The following GRIA4 variants were observed in gnomAD, a reference collection of about 807,000 sequenced individuals.
GRIA4 encodes glutamate ionotropic receptor AMPA type subunit 4.
A neutral mutation model predicts 104.0 loss-of-function variants in GRIA4; 34 were observed. The observed-to-expected ratio is 0.33, with a 90% confidence interval of 0.25 to 0.44. The LOEUF (loss-of-function observed/expected upper bound fraction) is 0.44. GRIA4 is among the 20% of genes least tolerant of loss of function. GRIA4 has a pLI of 1.00. For synonymous variants in GRIA4, 386 were observed against 381.9 expected (o/e 1.01, Z -0.13); for missense variants, 750 against 1,096.5 (o/e 0.68, Z 4.46).
At chr11:105,904,738 AT>A (rs1363289097) in intron 8 of GRIA4, among the ~76,000 whole-genome samples, 2 of 152,198 alleles carry the variant, frequency 1.3e-5, no homozygotes, top group African/African-American at 4.8e-5. Flanking sequence ...AATAAAATAT[AT>A]TTCAATATTT....
chr11:105,971,688 G>T (rs895388571), intron 14 of GRIA4, among the ~76,000 whole-genome samples: 2 of 152,074 alleles, frequency 1.3e-5, no homozygotes, highest in Non-Finnish European at 2.9e-5. Context: ...CACAGTAATT[G>T]CATACATTTT....
At chr11:105,918,021 T>A (rs1220426880) in intron 10 of GRIA4, among the ~76,000 whole-genome samples, 1 of 152,084 alleles carries the variant, frequency 6.6e-6, no homozygotes, top group Non-Finnish European at 1.5e-5. Context: ...ATTATCAGCA[T>A]CACTAGGGAA....
chr11:105,828,896 C>T (rs1288111459), intron 4 of GRIA4, among the ~76,000 whole-genome samples: 1 of 151,910 alleles, frequency 6.6e-6, no homozygotes, highest in Non-Finnish European at 1.5e-5. Context: ...ACTTGAAGCA[C>T]TCCAAATATT....
At chr11:105,638,667 C>T (rs1268229463) in intron 3 of GRIA4, among the ~76,000 whole-genome samples, 2 of 151,840 alleles carry the variant, frequency 1.3e-5, no homozygotes, top group African/African-American at 2.4e-5. Flanking sequence ...CACTATTCTC[C>T]ATTTACTCTA....
chr11:105,704,626 T>C (rs1357938026), intron 3 of GRIA4, among the ~76,000 whole-genome samples: 1 of 152,132 alleles, frequency 6.6e-6, no homozygotes, highest in Non-Finnish European at 1.5e-5. Context: ...AGGAATTTCT[T>C]AAGTAGAACT....
intron 3 of GRIA4, among the ~76,000 whole-genome samples, chr11:105,665,318 A>T (rs1822990): frequency 0.98 from 149,821 of 152,112 alleles, 73,824 homozygotes; most frequent in Middle Eastern, 1. Flanking sequence ...CCTTATGAGA[A>T]ATATACTTTT....
chr11:105,652,879 A>G (rs1951722204), intron 3 of GRIA4, among the ~76,000 whole-genome samples: 1 of 152,076 alleles, frequency 6.6e-6, no homozygotes, highest in Admixed American at 6.6e-5. Flanking sequence ...TCTAGATCTT[A>G]GGAACCTCGG....
Position 105,887,125 on chromosome 11 carries a change from G to T in GRIA4, c.673-394G>T, listed in dbSNP as rs183163165. Among the ~76,000 whole-genome samples, 43 of 152,098 alleles carry T rather than the reference G, an allele frequency of 2.8e-4. 1 individual carries two copies. The East Asian group carries it at 8.1e-3, about 29-fold the overall frequency. ...TATTCTTACCCTATTAAGACACCAA[G>T]CAGCCTATCTTCCATTTTTATAAAT... On this transcript the variant is annotated intron_variant, in intron 5 of 16. Coordinates refer to ENST00000282499, the MANE Select transcript of GRIA4 (RefSeq NM_000829.4).
intron 7 of GRIA4, among the ~76,000 whole-genome samples, chr11:105,903,249 T>A (rs536907767): frequency 1.3e-4 from 20 of 152,340 alleles, no homozygotes; most frequent in South Asian, 8.3e-4. Context: ...TACACATTTG[T>A]TGGATAAGTA....
chr11:105,871,696 C>A (rs1447846662), intron 5 of GRIA4, among the ~76,000 whole-genome samples: 1 of 151,412 alleles, frequency 6.6e-6, no homozygotes, highest in African/African-American at 2.4e-5. Flanking sequence ...AAAAAATCTG[C>A]TGAAATAAAA....
At chr11:105,829,094 T>TACACAC (rs146841671) in intron 4 of GRIA4, among the ~76,000 whole-genome samples, 1 of 151,026 alleles carries the variant, frequency 6.6e-6, no homozygotes, top group Admixed American at 6.6e-5. Context: ...CAGTGATGTA[T>TACACAC]ACACACACAC....
At chr11:105,644,754 T>C (rs548187651) in intron 3 of GRIA4, among the ~76,000 whole-genome samples, 3 of 152,344 alleles carry the variant, frequency 2.0e-5, no homozygotes, top group Admixed American at 6.5e-5. Context: ...ATTTTACTTA[T>C]GCTGAGAGTT....
chr11:105,959,110 A>G (rs924555341), intron 14 of GRIA4, among the ~76,000 whole-genome samples: 1 of 151,926 alleles, frequency 6.6e-6, no homozygotes, highest in Non-Finnish European at 1.5e-5. Context: ...TTCTCATGGG[A>G]TATCTTAATA....
chr11:105,888,271 C>CTT (rs71469040), intron 6 of GRIA4, among the ~76,000 whole-genome samples: 16,535 of 53,824 alleles, frequency 0.31, 6,480 homozygotes, highest in South Asian at 0.42. Flanking sequence ...ATGTTTTCTC[C>CTT]TTTTTTTTTT....
rs190858141 is a variant in GRIA4 at position 105,943,886 on chromosome 11, A to C, written c.2294+9917A>C. On this transcript the variant is annotated intron_variant, in intron 14 of 16. Coordinates refer to ENST00000282499, the MANE Select transcript of GRIA4 (RefSeq NM_000829.4). Reference sequence around the variant, plus strand: ...CAGGAAATGCTCTCTCTCTCTATATATATATATAGGAATTTATAATGTTTC... The same window carrying C: ...CAGGAAATGCTCTCTCTCTCTATATCTATATATAGGAATTTATAATGTTTC... Among the ~76,000 whole-genome samples the C allele has an allele frequency of 3.8e-3, 578 of 151,992 alleles. 5 individuals carry two copies. In the Middle Eastern group the frequency reaches 0.065, roughly 17 times the overall value.
At chr11:105,700,517 C>T (rs367546002) in intron 3 of GRIA4, among the ~76,000 whole-genome samples, 48 of 152,294 alleles carry the variant, frequency 3.2e-4, no homozygotes, top group African/African-American at 1.1e-3. Context: ...TAGGCAGAGG[C>T]TGGCAAACTT....
chr11:105,658,595 A>T (rs893125375), intron 3 of GRIA4, among the ~76,000 whole-genome samples: 1 of 151,936 alleles, frequency 6.6e-6, no homozygotes, highest in Non-Finnish European at 1.5e-5. Flanking sequence ...TACTCATAAA[A>T]TACTCATAAA....
chr11:105,917,818 GT>G, intron 10 of GRIA4, among the ~76,000 whole-genome samples: 4 of 86,440 alleles, frequency 4.6e-5, no homozygotes, highest in East Asian at 2.9e-4. Flanking sequence ...GTTTAAGGGT[GT>G]GTGTGTGTGT....
intron 4 of GRIA4, among the ~76,000 whole-genome samples, chr11:105,841,833 C>T (rs1308129817): frequency 6.6e-6 from 1 of 152,088 alleles, no homozygotes; most frequent in Admixed American, 6.6e-5. Flanking sequence ...TCTTATTCTC[C>T]CCATAAGAAG....
Sources: allele counts gnomAD v4.1 joint callset (sites outside exome capture counted in the v4.1 genomes callset), GRCh38; gene constraint gnomAD v4.1.1; transcripts MANE v1.5; gene names NCBI Gene and HGNC (gene_info 2026-07-23, HGNC 2026-07-21).